GAK: variants seen among roughly 807,000 people sequenced by gnomAD.
GAK encodes cyclin-G-associated kinase.
GAK carries 79 observed loss-of-function variants against 143.9 expected under a neutral mutation model. That is an observed-to-expected ratio of 0.55 (90% CI 0.46 to 0.66). The LOEUF (loss-of-function observed/expected upper bound fraction) is 0.66, where lower values mean the gene tolerates loss of function less well. Ranked by LOEUF, GAK falls within the 30% of genes least tolerant of loss-of-function variation. The pLI, the probability that GAK is intolerant of heterozygous loss-of-function variation, is 0.00. For missense variants in GAK, 1,693 were observed against 1,779.7 expected, an observed-to-expected ratio of 0.95 and a Z score of 0.88; for synonymous variants, 881 against 765.5, an observed-to-expected ratio of 1.15 and a Z score of -2.49.
rs1045294695 is a variant in GAK, at chr4:904,788, G to A, written c.383-9C>T. On this transcript the variant is annotated splice_polypyrimidine_tract_variant and intron_variant, in intron 4 of 27. Coordinates refer to ENST00000314167, the MANE Select transcript of GAK (RefSeq NM_005255.4). ...AAATTCCACCAGCTGCCCTAAAAGA[G>A]AATGAAACTCACATGGAGGCAGGAG... 6 of 1,613,126 alleles carry A rather than the reference G, an allele frequency of 3.7e-6. No homozygotes were observed. Among genetic ancestry groups the A allele is most frequent in the Non-Finnish European group, 3.4e-6 (4 of 1,179,558 alleles).
chr4:896,850 C>T (rs898040161), intron 6 of GAK, among the ~76,000 whole-genome samples: 7 of 152,256 alleles, frequency 4.6e-5, no homozygotes, highest in Admixed American at 2.0e-4. Flanking sequence ...GCACCAAGTC[C>T]GCTTGCTGAG....
intron 4 of GAK, among the ~76,000 whole-genome samples, chr4:906,736 C>T (rs183218387): frequency 1.3e-3 from 197 of 152,218 alleles, no homozygotes; most frequent in African/African-American, 4.6e-3. Context: ...CACTCCACAC[C>T]CCTGAAGGCC....
intron 1 of GAK, among the ~76,000 whole-genome samples, chr4:922,671 G>A (rs956414654): frequency 1.2e-4 from 18 of 152,148 alleles, no homozygotes; most frequent in African/African-American, 3.9e-4. Flanking sequence ...ATTTTGTTAT[G>A]GCAGCCTAAC....
At chr4:876,327 G>T (rs567834631) in intron 18 of GAK, among the ~76,000 whole-genome samples, 2 of 151,910 alleles carry the variant, frequency 1.3e-5, no homozygotes, top group East Asian at 3.9e-4. Context: ...CACCAACGGG[G>T]GGGCAGAGCA....
At position 910,343 on chromosome 4, in the gene GAK, GC is replaced by G. The variant is rs1055287273; in HGVS notation, c.382+1329del. Among the ~76,000 whole-genome samples the G allele has an allele frequency of 7.0e-5, 7 of 99,672 alleles. No homozygotes were observed. In the South Asian group the frequency reaches 9.5e-4, roughly 14 times the overall value. 65.4% of individuals were successfully genotyped at this position (99,672 alleles called of 152,430 possible). A position where few individuals can be genotyped will look rare whatever the true frequency, so the allele number is the denominator to read the frequency against. Reference sequence around the variant, plus strand: ...GCAGTCCCCCTCCATGAAGCTCAGGGCCCCCCCAACTAAATGCAGGCCCCCC... The same window carrying G: ...GCAGTCCCCCTCCATGAAGCTCAGGGCCCCCCAACTAAATGCAGGCCCCCC... On this transcript the variant is annotated intron_variant, in intron 4 of 27. Transcript: ENST00000314167.
chr4:877,274 A>C, intron 16 of GAK, 67 bp from the exon 17 acceptor site: 1 of 1,071,144 alleles, frequency 9.3e-7, no homozygotes, highest in South Asian at 1.3e-5. Context: ...AAACAACAAA[A>C]AACAGAATGA....
At chr4:886,157 T>A (rs1716287034) in intron 11 of GAK, 1 of 152,200 alleles carries the variant, frequency 6.6e-6, no homozygotes, top group African/African-American at 2.4e-5. Context: ...CTCAAGCACG[T>A]GATGTGAACA....
At chr4:894,131 G>C in intron 7 of GAK, 122 bp from the exon 8 acceptor site, 2 of 1,182,188 alleles carry the variant, frequency 1.7e-6, no homozygotes, top group Non-Finnish European at 2.3e-6. Context: ...CATCGGAGCC[G>C]TGGGGAGCGC....
Position 868,661 on chromosome 4 carries a change from G to A in GAK, c.2273C>T (p.Pro758Leu). The change falls in exon 20 of 28, where the codon CCT becomes CTT. Residue 758 changes from proline (P) to leucine (L), a missense_variant. Physicochemically the swap from Pro to Leu is moderately conservative, Grantham distance 98 (BLOSUM62 -3). Around this residue, in one of 2 missense-constraint regions of GAK, gnomAD observed 822 missense variants for 788.7 expected, o/e 1.04. Transcript: ENST00000314167. ...KFGKPELPRQPGSTAQYDAGA... is the reference protein window; with the variant it reads ...KFGKPELPRQLGSTAQYDAGA... Reference sequence around the variant, plus strand: ...AGCATCATACTGAGCCGTGGAGCCAGGCTGCCGGGGAAGCTCCGGCTTCCC... The same window carrying A: ...AGCATCATACTGAGCCGTGGAGCCAAGCTGCCGGGGAAGCTCCGGCTTCCC... 1.3e-6 allele frequency: 2 copies of A among 1,554,900 alleles called. No individual in the cohort carries two copies. Among genetic ancestry groups the A allele is most frequent in the Non-Finnish European group, 1.7e-6 (2 of 1,149,576 alleles).
intron 7 of GAK, among the ~76,000 whole-genome samples, chr4:895,074 G>A (rs1319604998): frequency 1.3e-5 from 2 of 152,176 alleles, no homozygotes; most frequent in Non-Finnish European, 2.9e-5. Flanking sequence ...CTATGAGCTG[G>A]TGGGACCAGC....
Position 870,778 on chromosome 4 carries a change from C to G in GAK, c.2181G>C (p.Met727Ile), listed in dbSNP as rs1238938634. The change falls in exon 19 of 28, where the codon ATG becomes ATC. Residue 727 changes from methionine to isoleucine, a missense_variant. Met to Ile is a conservative substitution (Grantham distance 10, BLOSUM62 1). Transcript: ENST00000314167. Reference sequence around the variant, plus strand: ...ACAGGATTTTGGGGTTCAGCCCCCTCATGCTCGAGTTCTCCCATGGTGGGG... The same window carrying G: ...ACAGGATTTTGGGGTTCAGCCCCCTGATGCTCGAGTTCTCCCATGGTGGGG... ...REAPPWENSS[M>I]RGLNPKILFS... is the part of the protein sequence containing the mutation. 1 of 1,614,062 alleles carries G rather than the reference C, an allele frequency of 6.2e-7. No individual in the cohort carries two copies. The highest frequency in any genetic ancestry group is 8.5e-7 in the Non-Finnish European group (1 of 1,180,036).
Position 877,659 on chromosome 4 carries a change from C to T in GAK, c.1812G>A (p.Gly604=). ...GGGAGGTGCTGGCCACACGCTCGTC[C>T]CCCACGTAGACCTCGCAGAAGGGCC... ...GCRPFCEVYV[G]DERVASTSQE... The change falls in exon 16 of 28, where the codon GGG becomes GGA. Residue 604 remains glycine, a synonymous_variant. Coordinates refer to ENST00000314167, the MANE Select transcript of GAK (RefSeq NM_005255.4). 2.5e-6 allele frequency: 4 copies of T among 1,608,388 alleles called. No homozygotes were observed. Among genetic ancestry groups the T allele is most frequent in the Middle Eastern group, 1.7e-4 (1 of 6,036 alleles).
At chr4:879,671 T>C (rs1714703235) in intron 15 of GAK, among the ~76,000 whole-genome samples, 1 of 152,208 alleles carries the variant, frequency 6.6e-6, no homozygotes, top group Non-Finnish European at 1.5e-5. Context: ...GCTTTCATCC[T>C]GCTTGGTGAC....
intron 1 of GAK, among the ~76,000 whole-genome samples, chr4:931,787 G>C (rs1328148444): frequency 2.0e-5 from 3 of 151,894 alleles, no homozygotes; most frequent in Non-Finnish European, 4.4e-5. Context: ...TGACAAGAAA[G>C]TACCCCGACC....
chr4:901,976 G>A (rs1482497545), intron 5 of GAK, among the ~76,000 whole-genome samples: 2 of 152,196 alleles, frequency 1.3e-5, no homozygotes, highest in East Asian at 1.9e-4. Context: ...GGTGTCTCAC[G>A]CCTGTAATCC....
intron 23 of GAK, among the ~76,000 whole-genome samples, chr4:861,795 A>T (rs940048862): frequency 6.6e-6 from 1 of 152,188 alleles, no homozygotes; most frequent in African/African-American, 2.4e-5. Context: ...CACTGCCCAT[A>T]CAGAGGAAGT....
intron 1 of GAK, among the ~76,000 whole-genome samples, chr4:924,972 T>C (rs1239711441): frequency 5.3e-5 from 8 of 150,814 alleles, no homozygotes; most frequent in Non-Finnish European, 1.0e-4. Context: ...GGTGGAGTTC[T>C]GCCCGGGGGC....
At chr4:890,399 A>G (rs1717400653) in intron 10 of GAK, 133 bp downstream of exon 10, 1 of 617,184 alleles carries the variant, frequency 1.6e-6, no homozygotes, top group Non-Finnish European at 2.8e-6. Flanking sequence ...AGGGACCCTG[A>G]CCTCACAGTC....
At position 928,371 on chromosome 4, in the gene GAK, A is replaced by G. The variant is rs192061016; in HGVS notation, c.145+3672T>C. On this transcript the variant is annotated intron_variant, in intron 1 of 27. Transcript: ENST00000314167. ...TCGTGCCCGGCCCGGTCTACTTTTA[A>G]GATCAGTCTAAGGCTGGGCACATTA... Among the ~76,000 whole-genome samples, 8 of 152,114 alleles carry G rather than the reference A, an allele frequency of 5.3e-5. No homozygotes were observed. In the East Asian group the frequency reaches 1.6e-3, roughly 30 times the overall value.
Sources: allele counts gnomAD v4.1 joint callset (sites outside exome capture counted in the v4.1 genomes callset), GRCh38; gene constraint gnomAD v4.1.1; regional missense constraint gnomAD v4.1.1; transcripts MANE v1.5; gene names NCBI Gene and HGNC (gene_info 2026-07-23, HGNC 2026-07-21).